Variants in EXOSC4 observed in about 807,000 individuals in gnomAD.
The protein encoded by EXOSC4 is exosome component 4, also known as exosome complex component RRP41.
EXOSC4 carries 14 observed loss-of-function variants against 20.0 expected under a neutral mutation model. That is an observed-to-expected ratio of 0.70 (90% CI 0.46 to 1.09). EXOSC4 has a LOEUF of 1.09. Among genes scored for constraint, EXOSC4 ranks in the 50% least tolerant of loss-of-function variants. The pLI, the probability that EXOSC4 is intolerant of heterozygous loss-of-function variation, is 0.00. For missense variants in EXOSC4, 337 were observed against 334.0 expected, an observed-to-expected ratio of 1.01 and a Z score of -0.07; for synonymous variants, 148 against 146.4, an observed-to-expected ratio of 1.01 and a Z score of -0.08.
the EXOSC4 span, among the ~76,000 whole-genome samples, chr8:144,069,649 A>G: frequency 6.6e-6 from 1 of 152,202 alleles, no homozygotes; most frequent in African/African-American, 2.4e-5. Flanking sequence ...TTTTTGCCAA[A>G]TGAGGTACAT....
chr8:144,076,424 C>A (rs1311086737), upstream of EXOSC4, among the ~76,000 whole-genome samples: 1 of 152,182 alleles, frequency 6.6e-6, no homozygotes, highest in Non-Finnish European at 1.5e-5. Flanking sequence ...CCTCTCACGG[C>A]CCCTGAATTT....
chr8:144,070,950 C>T, the EXOSC4 span, among the ~76,000 whole-genome samples: 3 of 151,832 alleles, frequency 2.0e-5, no homozygotes, highest in South Asian at 4.2e-4. Context: ...CTGACCCAGG[C>T]GTGATTTCTA....
upstream of EXOSC4, among the ~76,000 whole-genome samples, chr8:144,077,181 G>A (rs1835843230): frequency 6.6e-6 from 1 of 152,172 alleles, no homozygotes; most frequent in Non-Finnish European, 1.5e-5. Context: ...GGAGGTGGAG[G>A]GTGCAGTGCG....
At chr8:144,079,049 C>G (rs1227856668) in intron 1 of EXOSC4, 150 bp downstream of exon 1, 1 of 921,802 alleles carries the variant, frequency 1.1e-6, no homozygotes, top group African/African-American at 1.7e-5. Context: ...TCGGAGTAAA[C>G]GCAAGTCCTT....
At chr8:144,072,183 T>C in the EXOSC4 span, among the ~76,000 whole-genome samples, 3 of 152,092 alleles carry the variant, frequency 2.0e-5, no homozygotes, top group African/African-American at 7.2e-5. Flanking sequence ...TGCCTTGTTT[T>C]GTTTTGTTTT....
chr8:144,076,813 T>G (rs116553017), upstream of EXOSC4, among the ~76,000 whole-genome samples: 8,166 of 152,136 alleles, frequency 0.054, 778 homozygotes, highest in African/African-American at 0.19. Context: ...GTAATGGCCA[T>G]GCGTGGTGGC....
At chr8:144,073,577 G>A in the EXOSC4 span, among the ~76,000 whole-genome samples, 2 of 152,042 alleles carry the variant, frequency 1.3e-5, no homozygotes, top group African/African-American at 4.8e-5. Context: ...GACCGGCCGG[G>A]TGTGGTGGCT....
At position 144,079,069 on chromosome 8, in the gene EXOSC4, C is replaced by A. The variant is rs58386462; in HGVS notation, c.171+170C>A. The stretch of plus-strand genomic sequence containing the variant: ...GTAAACGCAAGTCCTTAGTGTGCTG[C>A]GCGGTGGTCCTGCCTTTCTCATCGG... On this transcript the variant is annotated intron_variant, in intron 1 of 2. Coordinates refer to ENST00000316052, the MANE Select transcript of EXOSC4 (RefSeq NM_019037.3). 1.1e-3 allele frequency: 764 copies of A among 725,786 alleles called. 3 individuals carry two copies. The African/African-American group carries it at 0.013, about 13-fold the overall frequency. 45.0% of individuals were successfully genotyped at this position (725,786 alleles called of 1,614,324 possible). A position where few individuals can be genotyped will look rare whatever the true frequency, so the allele number is the denominator to read the frequency against.
chr8:144,066,265 C>T, the EXOSC4 span, among the ~76,000 whole-genome samples: 80 of 151,706 alleles, frequency 5.3e-4, no homozygotes, highest in Non-Finnish European at 8.0e-4. Flanking sequence ...GTGATCCCTC[C>T]GCCTTGGCCT....
chr8:144,079,068 G>C, intron 1 of EXOSC4, 169 bp downstream of exon 1: 1 of 743,210 alleles, frequency 1.3e-6, no homozygotes, highest in Non-Finnish European at 1.9e-6. Context: ...TTAGTGTGCT[G>C]CGCGGTGGTC....
At chr8:144,078,394 G>C (rs1024068349), upstream of EXOSC4, 1 of 218,184 alleles carries the variant, frequency 4.6e-6, no homozygotes, top group Non-Finnish European at 9.0e-6. The surrounding 1 kb of genome is among the most constrained non-coding windows in gnomAD (Gnocchi z 4.7). Context: ...CCGTGGCACA[G>C]CTCCGGGAAC....
At chr8:144,073,310 C>A in the EXOSC4 span, among the ~76,000 whole-genome samples, 1 of 152,088 alleles carries the variant, frequency 6.6e-6, no homozygotes, top group Admixed American at 6.5e-5. Flanking sequence ...CGCCTGAACC[C>A]AGGAGGCGAA....
At chr8:144,072,802 A>T in the EXOSC4 span, among the ~76,000 whole-genome samples, 1 of 152,236 alleles carries the variant, frequency 6.6e-6, no homozygotes, top group Non-Finnish European at 1.5e-5. Context: ...ACCGATGGAC[A>T]CGTGGGATGA....
At chr8:144,077,174 G>T (rs1564301183), upstream of EXOSC4, among the ~76,000 whole-genome samples, 1 of 152,172 alleles carries the variant, frequency 6.6e-6, no homozygotes, top group African/African-American at 2.4e-5. Context: ...GAACCCTGGA[G>T]GTGGAGGGTG....
At chr8:144,065,074 T>C in the EXOSC4 span, among the ~76,000 whole-genome samples, 1 of 152,214 alleles carries the variant, frequency 6.6e-6, no homozygotes, top group East Asian at 1.9e-4. Flanking sequence ...CTCAATTTCC[T>C]GACCTCGTGA....
At chr8:144,068,312 C>T in the EXOSC4 span, among the ~76,000 whole-genome samples, 1 of 152,222 alleles carries the variant, frequency 6.6e-6, no homozygotes, top group Non-Finnish European at 1.5e-5. Flanking sequence ...GGCTACGCTT[C>T]CCTGCCTGTC....
At chr8:144,066,835 C>T in the EXOSC4 span, among the ~76,000 whole-genome samples, 3 of 152,268 alleles carry the variant, frequency 2.0e-5, no homozygotes, top group East Asian at 5.8e-4. Context: ...TGCCTGTAAT[C>T]CCAGCACTTT....
chr8:144,072,341 G>A, the EXOSC4 span, among the ~76,000 whole-genome samples: 5 of 152,126 alleles, frequency 3.3e-5, no homozygotes, highest in South Asian at 2.1e-4. Flanking sequence ...CCACCACACC[G>A]GGCTAATTTT....
chr8:144,076,280 G>T (rs940418060), upstream of EXOSC4, among the ~76,000 whole-genome samples: 3 of 152,190 alleles, frequency 2.0e-5, no homozygotes, highest in Non-Finnish European at 4.4e-5. Flanking sequence ...ATTTCCTGTG[G>T]AATTCATCCC....
Sources: allele counts gnomAD v4.1 joint callset (sites outside exome capture counted in the v4.1 genomes callset), GRCh38; gene constraint gnomAD v4.1.1; non-coding constraint Gnocchi (gnomAD v3.1); transcripts MANE v1.5; gene names NCBI Gene and HGNC (gene_info 2026-07-23, HGNC 2026-07-21).